DDA1: variants seen among roughly 807,000 people sequenced by gnomAD.
The protein encoded by DDA1 is DET1- and DDB1-associated protein 1.
A neutral mutation model predicts 18.6 loss-of-function variants in DDA1; 3 were observed. The ratio of observed to expected loss-of-function variants is 0.16; its 90% CI spans 0.07 to 0.42. The LOEUF is 0.42. Among genes scored for constraint, DDA1 ranks in the 10% least tolerant of loss-of-function variants. The pLI is 0.99. For missense variants in DDA1, 105 were observed against 138.2 expected (o/e 0.76, Z 1.20); for synonymous variants, 52 against 54.0 (o/e 0.96, Z 0.17).
chr19:17,310,317 G>C (rs1017530828), intron 1 of DDA1: 1 of 152,294 alleles, frequency 6.6e-6, no homozygotes, highest in African/African-American at 2.4e-5. Flanking sequence ...CAACAGATGA[G>C]CTGGGTGACT....
At chr19:17,313,425 G>GAA (rs1165104620) in intron 1 of DDA1, among the ~76,000 whole-genome samples, 3 of 134,416 alleles carry the variant, frequency 2.2e-5, no homozygotes, top group Admixed American at 7.7e-5. Context: ...GGGTTGGATT[G>GAA]AAAATGGCTT....
At chr19:17,310,959 T>C (rs968873081) in intron 1 of DDA1, among the ~76,000 whole-genome samples, 1 of 152,118 alleles carries the variant, frequency 6.6e-6, no homozygotes, top group African/African-American at 2.4e-5. Flanking sequence ...AACTTTTTTT[T>C]TGGAGTCAGG....
At chr19:17,313,087 C>T (rs2074186440) in intron 1 of DDA1, among the ~76,000 whole-genome samples, 1 of 152,306 alleles carries the variant, frequency 6.6e-6, no homozygotes, top group Admixed American at 6.5e-5. Flanking sequence ...TCTCTTGGGC[C>T]TCAGGCATCA....
At chr19:17,313,205 G>A (rs1001424651) in intron 1 of DDA1, among the ~76,000 whole-genome samples, 1 of 152,064 alleles carries the variant, frequency 6.6e-6, no homozygotes, top group African/African-American at 2.4e-5. Context: ...GGTACATGTG[G>A]GTTCAAATCA....
At position 17,319,622 on chromosome 19, in the gene DDA1, G is replaced by T; in HGVS notation, c.275G>T (p.Arg92Leu). 6.3e-7 allele frequency: 1 copy of T among 1,576,712 alleles called. No homozygotes were observed. The highest frequency in any genetic ancestry group is 2.3e-5 in the East Asian group (1 of 42,990). ...TCCGCACCTCCCCGCAAGGTGGCGC[G>T]GACCGACAGCCCAGACATGCACGAG... ...ESSAPPRKVA[R>L]TDSPDMHEDT Residue 92 changes from arginine to leucine, a missense_variant, in exon 5 of 5, where the codon CGG becomes CTG. Physicochemically the swap from Arg to Leu is moderately radical, Grantham distance 102. Around this residue, in one of 2 missense-constraint regions of DDA1, gnomAD observed 62 missense variants for 55.8 expected, o/e 1.11. Coordinates refer to ENST00000359866, the MANE Select transcript of DDA1 (RefSeq NM_024050.6).
Position 17,314,462 on chromosome 19 carries a change from C to T in DDA1, c.136+73C>T, listed in dbSNP as rs899044430. On this transcript the variant is annotated intron_variant, in intron 3 of 4. Transcript: ENST00000359866. The surrounding 1 kb of genome is among the most constrained non-coding windows in gnomAD (Gnocchi z 4.6). The stretch of plus-strand genomic sequence containing the variant: ...GGTTTGGTGACTGCAGCGTGGCACG[C>T]GGAGGTTATCTTCAACCCCGGCCCA... The T allele has an allele frequency of 4.3e-5, 68 of 1,590,104 alleles. No individual in the cohort carries two copies. The highest frequency in any genetic ancestry group is 5.1e-5 in the Non-Finnish European group (59 of 1,159,120).
chr19:17,315,216 CACACACGTGTAT>C lies in DDA1; in HGVS notation c.137-711_137-700del, dbSNP rs2074201342. On this transcript the variant is annotated intron_variant, in intron 3 of 4. Coordinates refer to ENST00000359866, the MANE Select transcript of DDA1 (RefSeq NM_024050.6). ...ACACGTGTATACACACGTGTATATA[CACACACGTGTAT>C]ACACACACACGTGTATATACACACA... Among the ~76,000 whole-genome samples the C allele has an allele frequency of 1.3e-4, 2 of 14,838 alleles. 1 individual carries two copies. 9.7% of individuals were successfully genotyped at this position (14,838 alleles called of 152,430 possible).
intron 1 of DDA1, among the ~76,000 whole-genome samples, chr19:17,312,020 C>T (rs955489187): frequency 7.9e-5 from 12 of 152,158 alleles, no homozygotes; most frequent in African/African-American, 2.9e-4. Context: ...CTAAAGGCTG[C>T]CCCTGAGGGA....
chr19:17,316,140 G>A (rs951640098), intron 4 of DDA1, 145 bp downstream of exon 4: 2 of 903,532 alleles, frequency 2.2e-6, no homozygotes, highest in African/African-American at 3.3e-5. Flanking sequence ...ATCCAGGAGA[G>A]GGAAGAGCGT....
intron 4 of DDA1, among the ~76,000 whole-genome samples, chr19:17,317,244 T>A (rs2074218090): frequency 6.6e-6 from 1 of 151,978 alleles, no homozygotes; most frequent in Admixed American, 6.6e-5. Flanking sequence ...GCGCGGTGGC[T>A]CATGCCTGTA....
chr19:17,318,876 G>A (rs1056165854), intron 4 of DDA1, among the ~76,000 whole-genome samples: 4 of 151,650 alleles, frequency 2.6e-5, no homozygotes, highest in Admixed American at 2.0e-4. Context: ...GTGGGTGGCT[G>A]CCTACCCTGC....
At chr19:17,315,679 T>G in intron 3 of DDA1, 1 of 564,586 alleles carries the variant, frequency 1.8e-6, no homozygotes, top group Non-Finnish European at 3.2e-6. Context: ...AACATAGGCA[T>G]GAGAGTCTCA....
intron 4 of DDA1, among the ~76,000 whole-genome samples, chr19:17,318,919 A>G (rs2074226544): frequency 6.6e-6 from 1 of 152,074 alleles, no homozygotes; most frequent in South Asian, 2.1e-4. Flanking sequence ...CTGTGTGGCA[A>G]AGTGACTGCT....
chr19:17,319,387 AC>A (rs1372720568), intron 4 of DDA1, among the ~76,000 whole-genome samples, 158 bp from the exon 5 acceptor site: 2 of 151,936 alleles, frequency 1.3e-5, no homozygotes, highest in African/African-American at 4.8e-5. Context: ...ACATAGTGAA[AC>A]CCCCATGTCT....
chr19:17,315,809 A>C lies in DDA1; in HGVS notation c.137-125A>C, dbSNP rs930231307. 3 of 894,662 alleles carry C rather than the reference A, an allele frequency of 3.4e-6. No homozygotes were observed. In the African/African-American group the frequency reaches 5.0e-5, roughly 15 times the overall value. 55.4% of individuals were successfully genotyped at this position (894,662 alleles called of 1,614,324 possible). A position where few individuals can be genotyped will look rare whatever the true frequency, so the allele number is the denominator to read the frequency against. On this transcript the variant is annotated intron_variant, in intron 3 of 4. Transcript: ENST00000359866. ...GTGTGCTCAGAAGCAAAAACATGGG[A>C]CTTTTGGAGATCTCTGGAGTTGGGG... is the stretch of plus-strand genomic sequence containing the variant.
intron 1 of DDA1, among the ~76,000 whole-genome samples, chr19:17,312,177 G>A (rs1439571207): frequency 6.6e-6 from 1 of 152,156 alleles, no homozygotes; most frequent in Non-Finnish European, 1.5e-5. Flanking sequence ...GGCTAAGCCA[G>A]GATTGAGAGC....
Position 17,319,539 on chromosome 19 carries a change from C to T in DDA1, c.199-7C>T, listed in dbSNP as rs776608217. On this transcript the variant is annotated splice_region_variant and splice_polypyrimidine_tract_variant and intron_variant, in intron 4 of 4. Coordinates refer to ENST00000359866, the MANE Select transcript of DDA1 (RefSeq NM_024050.6). ...CTCACAGCCCCTCTCTTTTCCCTGTCCCCCAGAACGCTGCCAAGAAGAGAG... is the reference window on the plus strand; with the variant it reads ...CTCACAGCCCCTCTCTTTTCCCTGTTCCCCAGAACGCTGCCAAGAAGAGAG... The T allele has an allele frequency of 6.4e-7, 1 of 1,557,894 alleles. No individual in the cohort carries two copies. The highest frequency in any genetic ancestry group is 1.2e-5 in the South Asian group (1 of 84,394).
intron 3 of DDA1, among the ~76,000 whole-genome samples, chr19:17,315,450 A>ATG (rs1264016396): frequency 7.2e-6 from 1 of 138,162 alleles, no homozygotes; most frequent in Admixed American, 7.1e-5. Context: ...ATATATATAT[A>ATG]TATATTAGCC....
rs1421696388 is a variant in DDA1 at position 17,314,061 on chromosome 19, C to T, written c.42C>T (p.Ser14=). 6.2e-7 allele frequency: 1 copy of T among 1,614,020 alleles called. No individual in the cohort carries two copies. Among genetic ancestry groups the T allele is most frequent in the Non-Finnish European group, 8.5e-7 (1 of 1,180,014 alleles). ...FLKGLPVYNK[S]NFSRFHADSV... ...AAGGACTGCCTGTCTACAACAAAAG[C>T]AATTTTAGTCGATTTCACGCGGACT... The change falls in exon 2 of 5, where the codon AGC becomes AGT. Residue 14 remains serine, a synonymous_variant. Coordinates refer to ENST00000359866, the MANE Select transcript of DDA1 (RefSeq NM_024050.6). The surrounding 1 kb of genome is among the most constrained non-coding windows in gnomAD (Gnocchi z 4.6).
Sources: gnomAD v4.1 joint callset for allele counts (sites outside exome capture counted in the v4.1 genomes callset) on GRCh38, gnomAD v4.1.1 for gene constraint, gnomAD v4.1.1 regional missense constraint, Gnocchi (gnomAD v3.1) non-coding constraint, MANE v1.5 for transcripts, NCBI Gene and HGNC (gene_info 2026-07-23, HGNC 2026-07-21) for gene names.